Variants in ENG observed in about 807,000 individuals in gnomAD.
The protein encoded by ENG is CD105 antigen.
Under a neutral mutation model 71.0 loss-of-function variants are expected in ENG, and 17 were observed. The ratio of observed to expected loss-of-function variants is 0.24; its 90% CI spans 0.16 to 0.36. The LOEUF (loss-of-function observed/expected upper bound fraction) is 0.36. ENG is among the 10% of genes least tolerant of loss of function. ENG has a pLI of 1.00. For synonymous variants in ENG, 360 were observed against 366.9 expected, an observed-to-expected ratio of 0.98 and a Z score of 0.21; for missense variants, 749 against 868.3, an observed-to-expected ratio of 0.86 and a Z score of 1.73.
intron 2 of ENG, among the ~76,000 whole-genome samples, chr9:127,839,729 T>C (rs1830982514): frequency 6.6e-6 from 1 of 152,132 alleles, no homozygotes; most frequent in African/African-American, 2.4e-5. Context: ...CTAATTTTTG[T>C]ATTTTTAGTA....
chr9:127,815,545 A>T lies in ENG; in HGVS notation c.*137T>A. On this transcript the variant is annotated 3_prime_UTR_variant, in exon 15 of 15. Transcript: ENST00000373203. ...CACTGGCAGCAGGCCTCTGAGAGGG[A>T]GGCGGGAAGGGTAGGCGCGGAGAGC... 7.0e-7 allele frequency: 1 copy of T among 1,431,566 alleles called. No homozygotes were observed. The highest frequency in any genetic ancestry group is 1.5e-5 in the South Asian group (1 of 68,474). 88.7% of individuals were successfully genotyped at this position (1,431,566 alleles called of 1,614,324 possible).
At chr9:127,829,640 C>G in intron 3 of ENG, 47 bp downstream of exon 3, 1 of 1,611,646 alleles carries the variant, frequency 6.2e-7, no homozygotes, top group Non-Finnish European at 8.5e-7. Flanking sequence ...CAGTAGGGAC[C>G]TCCCATGGCC....
intron 12 of ENG, 52 bp from the exon 13 acceptor site, chr9:127,817,255 G>T: frequency 7.5e-6 from 12 of 1,599,928 alleles, no homozygotes; most frequent in Non-Finnish European, 1.0e-5. Flanking sequence ...GCGGCTTCCA[G>T]GTTTACTCCC....
rs768211612 is a variant in ENG at position 127,825,657 on chromosome 9, G to T, written c.689+38C>A. The stretch of plus-strand genomic sequence containing the variant: ...GGGGGTCAGGGGGGTGGTCTCTCGG[G>T]GTGGGGACTAGTGTCAGGGGCGGGG... On this transcript the variant is annotated intron_variant, in intron 5 of 14. Transcript: ENST00000373203. The T allele has an allele frequency of 3.3e-6, 5 of 1,498,620 alleles. No homozygotes were observed. In the Admixed American group the frequency reaches 9.7e-5, roughly 29 times the overall value. 92.8% of individuals were successfully genotyped at this position (1,498,620 alleles called of 1,614,324 possible).
In ENG at chr9:127,831,995, C is replaced by G. The variant is rs146503813; in HGVS notation, c.220-2168G>C. Among the ~76,000 whole-genome samples the G allele has an allele frequency of 1.1e-3, 169 of 151,430 alleles. 1 individual carries two copies. The highest frequency in any genetic ancestry group is 3.5e-3 in the African/African-American group (144 of 41,196). On this transcript the variant is annotated intron_variant, in intron 2 of 14. Coordinates refer to ENST00000373203, the MANE Select transcript of ENG (RefSeq NM_001114753.3). ...GTGCAATCATGGCTCACTGCAGCCTCAACCTCCTAGGCTCAAGCAATCCTC... is the reference window on the plus strand; with the variant it reads ...GTGCAATCATGGCTCACTGCAGCCTGAACCTCCTAGGCTCAAGCAATCCTC...
At position 127,824,380 on chromosome 9, in the gene ENG, T is replaced by C. The variant is rs868730895; in HGVS notation, c.1058A>G (p.Glu353Gly). The change falls in exon 8 of 15, where the codon GAG becomes GGG. Residue 353 changes from glutamate to glycine, a missense_variant. Glu to Gly is a moderately conservative substitution (Grantham distance 98). Coordinates refer to ENST00000373203, the MANE Select transcript of ENG (RefSeq NM_001114753.3). ...TGTCTGGATCAAGGACATGAGCAGCTCCGGGCTACAAGTGTCCTTGGGAGG... is the reference window on the plus strand; with the variant it reads ...TGTCTGGATCAAGGACATGAGCAGCCCCGGGCTACAAGTGTCCTTGGGAGG... ...TTPPKDTCSP[E>G]LLMSLIQTKC... 1.9e-6 allele frequency: 3 copies of C among 1,613,980 alleles called. No individual in the cohort carries two copies. In the African/African-American group the frequency reaches 4.0e-5, roughly 22 times the overall value.
rs1011877296 is a variant in ENG, at chr9:127,843,028, C to A, written c.219+66G>T. The A allele has an allele frequency of 6.2e-6, 10 of 1,609,842 alleles. No homozygotes were observed. The African/African-American group carries it at 1.3e-4, about 22-fold the overall frequency. ...CCCAGGGACAGCCACAAGGAAGGCACCCCTCACCCCATCTGCCTTGGAGCT... is the reference window on the plus strand; with the variant it reads ...CCCAGGGACAGCCACAAGGAAGGCAACCCTCACCCCATCTGCCTTGGAGCT... On this transcript the variant is annotated intron_variant, in intron 2 of 14. Transcript: ENST00000373203.
rs964321855 is a variant in ENG at position 127,854,442 on chromosome 9, G to A, written c.-87C>T. ...CGGGCACCGGGGCCGGCGTGGGCTC[G>A]CACGGGGACCCGAGGGGAGCAGGCG... On this transcript the variant is annotated 5_prime_UTR_variant, in exon 1 of 15. Coordinates refer to ENST00000373203, the MANE Select transcript of ENG (RefSeq NM_001114753.3). The A allele has an allele frequency of 5.5e-5, 79 of 1,437,684 alleles. 1 individual carries two copies. In the South Asian group the frequency reaches 7.9e-4, roughly 14 times the overall value. 89.1% of individuals were successfully genotyped at this position (1,437,684 alleles called of 1,614,324 possible).
At chr9:127,839,440 C>T (rs1830975884) in intron 2 of ENG, among the ~76,000 whole-genome samples, 1 of 152,216 alleles carries the variant, frequency 6.6e-6, no homozygotes, top group African/African-American at 2.4e-5. Context: ...TGGGCTCAAC[C>T]CTCAGAGCAG....
chr9:127,817,025 C>T, intron 13 of ENG, 124 bp downstream of exon 13: 2 of 1,128,726 alleles, frequency 1.8e-6, no homozygotes, highest in Non-Finnish European at 2.6e-6. Context: ...CCCTTCTGGG[C>T]CGCTTTCTCT....
intron 1 of ENG, among the ~76,000 whole-genome samples, chr9:127,847,670 A>C (rs144375914): frequency 6.6e-6 from 1 of 152,178 alleles, no homozygotes; most frequent in African/African-American, 2.4e-5. Flanking sequence ...GGCTGGTCTC[A>C]AACTCCTGGG....
At chr9:127,825,565 C>G in intron 5 of ENG, 130 bp downstream of exon 5, 1 of 1,240,860 alleles carries the variant, frequency 8.1e-7, no homozygotes, top group Non-Finnish European at 1.1e-6. Context: ...TGTGCTCTCA[C>G]AGGGCTGCGG....
chr9:127,848,142 G>GGTTGCTCCA (rs1831214225), intron 1 of ENG, among the ~76,000 whole-genome samples: 3 of 152,144 alleles, frequency 2.0e-5, no homozygotes, highest in Admixed American at 2.0e-4. Context: ...GCTAAGTGGG[G>GGTTGCTCCA]GTTGCTCAGG....
Position 127,825,299 on chromosome 9 carries a change from C to A in ENG, c.748G>T (p.Val250Phe). 1 of 1,610,076 alleles carries A rather than the reference C, an allele frequency of 6.2e-7. No individual in the cohort carries two copies. The highest frequency in any genetic ancestry group is 8.5e-7 in the Non-Finnish European group (1 of 1,179,160). The change falls in exon 6 of 15, where the codon GTC (valine) becomes TTC (phenylalanine). Residue 250 changes from valine to phenylalanine, a missense_variant. Physicochemically the swap from Val to Phe is conservative, Grantham distance 50 (BLOSUM62 -1). Transcript: ENST00000373203. Reference sequence around the variant, plus strand: ...TAGGGGGGACCCTGCAGGATGAGGACGGCATCGAGATCCCCGGGTGCGCAG... The same window carrying A: ...TAGGGGGGACCCTGCAGGATGAGGAAGGCATCGAGATCCCCGGGTGCGCAG... ...LSCAPGDLDA[V>F]LILQGPPYVS...
chr9:127,839,048 C>T (rs746836917), intron 2 of ENG, among the ~76,000 whole-genome samples: 6 of 152,208 alleles, frequency 3.9e-5, no homozygotes, highest in Admixed American at 1.3e-4. Context: ...AGCCCCATGC[C>T]GCTAGGCCTT....
At chr9:127,817,867 AGGAT>A in intron 12 of ENG, 5 of 593,898 alleles carry the variant, frequency 8.4e-6, no homozygotes, top group Non-Finnish European at 1.2e-5. Flanking sequence ...GGTAAGTGAA[AGGAT>A]GGATGGATGG....
At chr9:127,852,983 C>T (rs1005468454) in intron 1 of ENG, among the ~76,000 whole-genome samples, 1 of 152,106 alleles carries the variant, frequency 6.6e-6, no homozygotes, top group African/African-American at 2.4e-5. Context: ...GTAGGGGCTC[C>T]GTCTTAGCCA....
At chr9:127,831,732 C>T (rs1441226330) in intron 2 of ENG, among the ~76,000 whole-genome samples, 3 of 148,946 alleles carry the variant, frequency 2.0e-5, no homozygotes, top group East Asian at 4.0e-4. Context: ...TGCTCTGTCA[C>T]CCAGGCTGGA....
chr9:127,819,528 T>G (rs41335948), intron 10 of ENG, 94 bp downstream of exon 10: 1 of 1,570,352 alleles, frequency 6.4e-7, no homozygotes, highest in African/African-American at 1.4e-5. Context: ...TGCCAGGAGT[T>G]TCCCGAGGCC....
Sources: allele counts gnomAD v4.1 joint callset (sites outside exome capture counted in the v4.1 genomes callset), GRCh38; gene constraint gnomAD v4.1.1; transcripts MANE v1.5; gene names NCBI Gene and HGNC (gene_info 2026-07-23, HGNC 2026-07-21).